The following CD109 variants were observed in gnomAD, a reference collection of about 807,000 sequenced individuals.
The protein encoded by CD109 is CD109 molecule.
In CD109, 149 loss-of-function variants were observed where a neutral mutation model predicts 165.8. The observed-to-expected ratio is 0.90, with a 90% CI of 0.79 to 1.03. CD109 has a LOEUF of 1.03. Among genes scored for constraint, CD109 ranks in the 50% least tolerant of loss-of-function variants. CD109 has a pLI of 0.00. For synonymous variants in CD109, 585 were observed against 592.1 expected, an observed-to-expected ratio of 0.99 and a Z score of 0.18; for missense variants, 1,712 against 1,677.8, an observed-to-expected ratio of 1.02 and a Z score of -0.36.
At chr6:73,700,801 T>TG (rs1312613109) in intron 2 of CD109, among the ~76,000 whole-genome samples, 68 of 128,156 alleles carry the variant, frequency 5.3e-4, no homozygotes, top group African/African-American at 1.9e-3. Flanking sequence ...TTTTTTTTTT[T>TG]TTTTTTTTTT....
chr6:73,818,603 C>T, intron 31 of CD109, 68 bp downstream of exon 31: 2 of 1,429,072 alleles, frequency 1.4e-6, no homozygotes, highest in Non-Finnish European at 1.9e-6. Context: ...GTCTACCTTA[C>T]TTTAAGTATG....
chr6:73,756,618 C>CTTTT, intron 5 of CD109, 25 bp from the exon 6 acceptor site: 1 of 1,490,406 alleles, frequency 6.7e-7, no homozygotes, highest in Admixed American at 2.3e-5. Context: ...ACTTTCCTGT[C>CTTTT]TTTTTTTTCT....
intron 5 of CD109, among the ~76,000 whole-genome samples, chr6:73,756,253 A>G (rs1179023395): frequency 2.0e-5 from 3 of 152,212 alleles, no homozygotes; most frequent in African/African-American, 7.2e-5. Flanking sequence ...ATGATATCCA[A>G]AACAAATCTG....
the CD109 span, among the ~76,000 whole-genome samples, chr6:73,683,766 G>A: frequency 2.4e-3 from 368 of 152,316 alleles, 9 homozygotes; most frequent in East Asian, 0.053. Context: ...AAGGCAAGGA[G>A]GAGCAAGTCA....
At chr6:73,802,832 TG>T (rs1775418709) in intron 23 of CD109, among the ~76,000 whole-genome samples, 1 of 151,984 alleles carries the variant, frequency 6.6e-6, no homozygotes, top group Non-Finnish European at 1.5e-5. Context: ...CCCGAGTAGC[TG>T]GGATTACAGG....
At chr6:73,749,120 C>T (rs749433768) in intron 5 of CD109, among the ~76,000 whole-genome samples, 1 of 152,130 alleles carries the variant, frequency 6.6e-6, no homozygotes, top group Non-Finnish European at 1.5e-5. Context: ...AAACACCAGT[C>T]AGTACACATC....
At chr6:73,788,446 T>G (rs1200142088) in intron 21 of CD109, 22 bp from the exon 22 acceptor site, 2 of 1,604,964 alleles carry the variant, frequency 1.2e-6, no homozygotes, top group African/African-American at 1.3e-5. Context: ...ACCATGTTAA[T>G]TGTGTTCATT....
chr6:73,782,358 G>T (rs1320560538), intron 17 of CD109, among the ~76,000 whole-genome samples: 3 of 152,050 alleles, frequency 2.0e-5, no homozygotes, highest in Non-Finnish European at 4.4e-5. Context: ...ACCCATCTTT[G>T]TTCTTTTTTA....
intron 15 of CD109, among the ~76,000 whole-genome samples, chr6:73,777,803 T>G (rs1336615819): frequency 6.6e-6 from 1 of 152,202 alleles, no homozygotes; most frequent in African/African-American, 2.4e-5. Flanking sequence ...CCATGCTGTT[T>G]TGGTTACTAT....
chr6:73,682,980 T>C, the CD109 span, among the ~76,000 whole-genome samples: 1 of 152,150 alleles, frequency 6.6e-6, no homozygotes, highest in African/African-American at 2.4e-5. Context: ...ATGAAATCAC[T>C]TTTTCCTCCT....
chr6:73,771,420 C>CT lies in CD109; in HGVS notation c.1675-3dup. The CT allele has an allele frequency of 6.3e-7, 1 of 1,596,068 alleles. No homozygotes were observed. On this transcript the variant is annotated splice_polypyrimidine_tract_variant and intron_variant, in intron 14 of 32. Transcript: ENST00000287097. ...GAAATAAGTTAATCCTCCTTTCTCT[C>CT]TTTTTTAGATAAAGCTATATTGGAG...
intron 20 of CD109, among the ~76,000 whole-genome samples, chr6:73,786,044 A>G (rs574933164): frequency 6.9e-6 from 1 of 145,296 alleles, no homozygotes; most frequent in Non-Finnish European, 1.5e-5. Flanking sequence ...GAGTGTTGCC[A>G]TGTTGGCCAG....
intron 22 of CD109, among the ~76,000 whole-genome samples, chr6:73,789,644 T>C (rs1168592409): frequency 6.6e-6 from 1 of 151,594 alleles, no homozygotes; most frequent in East Asian, 1.9e-4. Context: ...TATTTTTTAG[T>C]AGAGATGGGG....
In CD109 at chr6:73,785,476, A is replaced by G; in HGVS notation, c.2336A>G (p.Glu779Gly). The G allele has an allele frequency of 6.7e-7, 1 of 1,494,332 alleles. No homozygotes were observed. The highest frequency in any genetic ancestry group is 2.3e-5 in the East Asian group (1 of 44,146). 92.6% of individuals were successfully genotyped at this position (1,494,332 alleles called of 1,614,324 possible). ...TTCAATTATTTGAAAGATGCCACTG[A>G]GGTAATGTATTCAAGCTTTTGTTGA... ...TIFNYLKDAT[E>G]VKVIIEKSDK... The change falls in exon 20 of 33, where the codon GAG becomes GGG. Residue 779 changes from glutamate (E) to glycine (G), a missense_variant and splice_region_variant. Glu to Gly is a moderately conservative substitution (Grantham distance 98). Transcript: ENST00000287097.
Position 73,825,788 on chromosome 6 carries a change from G to T in CD109, c.*2155G>T. 6.6e-6 allele frequency: 1 copy of T among 152,210 alleles called. No individual in the cohort carries two copies. Among genetic ancestry groups the T allele is most frequent in the Non-Finnish European group, 1.5e-5 (1 of 68,024 alleles). 9.4% of individuals were successfully genotyped at this position (152,210 alleles called of 1,614,324 possible). On this transcript the variant is annotated 3_prime_UTR_variant, in exon 33 of 33. Coordinates refer to ENST00000287097, the MANE Select transcript of CD109 (RefSeq NM_133493.5). ...AGGTTAGGAGTTTGAGACCAGCCTG[G>T]CCAATATGGTGAAACCCCGTCCCTA... is the stretch of plus-strand genomic sequence containing the variant.
chr6:73,815,187 A>G (rs1405742987), intron 30 of CD109, 64 bp downstream of exon 30: 2 of 1,363,058 alleles, frequency 1.5e-6, no homozygotes, highest in Non-Finnish European at 2.0e-6. Context: ...AGGTTTAATT[A>G]TGTATAGTTG....
chr6:73,792,812 T>G lies in CD109; in HGVS notation c.2878+10T>G. The stretch of plus-strand genomic sequence containing the variant: ...TCATTTATGAGGCAAGGTAAGCATT[T>G]TAGAGACCTACATTTGTTCGTAGAA... On this transcript the variant is annotated intron_variant, in intron 23 of 32. Transcript: ENST00000287097. 1 of 1,599,814 alleles carries G rather than the reference T, an allele frequency of 6.3e-7. No individual in the cohort carries two copies. The highest frequency in any genetic ancestry group is 8.5e-7 in the Non-Finnish European group (1 of 1,176,756).
intron 24 of CD109, 133 bp from the exon 25 acceptor site, chr6:73,806,711 G>T (rs1775578591): frequency 3.2e-6 from 2 of 622,594 alleles, no homozygotes; most frequent in East Asian, 2.8e-5. Flanking sequence ...TTCTTTCCTT[G>T]TTCCATCTTC....
intron 23 of CD109, among the ~76,000 whole-genome samples, chr6:73,795,624 T>C (rs1775126935): frequency 6.6e-6 from 1 of 152,178 alleles, no homozygotes; most frequent in Non-Finnish European, 1.5e-5. Flanking sequence ...AGCATCGTTC[T>C]CTAAATGCCA....
Sources: gnomAD v4.1 joint callset for allele counts (sites outside exome capture counted in the v4.1 genomes callset) on GRCh38, gnomAD v4.1.1 for gene constraint, MANE v1.5 for transcripts, NCBI Gene and HGNC (gene_info 2026-07-23, HGNC 2026-07-21) for gene names.